ADTRP: variants seen among roughly 807,000 people sequenced by gnomAD.
ADTRP encodes androgen dependent TFPI regulating protein, also known as androgen-dependent TFPI-regulating protein.
ADTRP carries 20 observed loss-of-function variants against 27.0 expected under a neutral mutation model. The ratio of observed to expected loss-of-function variants is 0.74; its 90% confidence interval spans 0.52 to 1.08. ADTRP has a LOEUF of 1.08. Among genes scored for constraint, ADTRP ranks in the 50% least tolerant of loss-of-function variants. ADTRP has a pLI of 0.00. For synonymous variants in ADTRP, 101 were observed against 105.2 expected (o/e 0.96, Z 0.25); for missense variants, 251 against 275.0 (o/e 0.91, Z 0.62).
intron 3 of ADTRP, among the ~76,000 whole-genome samples, chr6:11,749,265 TG>T (rs1250397701): frequency 6.6e-6 from 1 of 152,186 alleles, no homozygotes; most frequent in Non-Finnish European, 1.5e-5. Context: ...GAGATGGAGA[TG>T]CTCAGAACAG....
chr6:11,771,464 T>C (rs998258690), intron 1 of ADTRP, among the ~76,000 whole-genome samples: 1 of 152,140 alleles, frequency 6.6e-6, no homozygotes, highest in Non-Finnish European at 1.5e-5. Flanking sequence ...CGAGAGAGCC[T>C]CTCCCAGGCT....
chr6:11,759,643 T>C (rs1763336121), intron 3 of ADTRP, among the ~76,000 whole-genome samples: 1 of 152,340 alleles, frequency 6.6e-6, no homozygotes, highest in South Asian at 2.1e-4. Flanking sequence ...TGTTATCTTA[T>C]AGCATAGGAG....
intron 3 of ADTRP, chr6:11,736,326 C>T (rs1762551592): frequency 6.5e-6 from 1 of 153,152 alleles, no homozygotes; most frequent in Admixed American, 6.5e-5. Context: ...TAGTCATGCA[C>T]ATCCATGCAC....
At chr6:11,723,569 T>G in intron 4 of ADTRP, 69 bp from the exon 5 acceptor site, 3 of 1,570,130 alleles carry the variant, frequency 1.9e-6, no homozygotes, top group Non-Finnish European at 2.6e-6. Context: ...TCATCAGGAT[T>G]AATGAGGTAC....
chr6:11,746,428 G>C (rs1171327797), intron 3 of ADTRP, among the ~76,000 whole-genome samples: 1 of 152,128 alleles, frequency 6.6e-6, no homozygotes, highest in African/African-American at 2.4e-5. Context: ...GTGGTGGGGG[G>C]TAGGCTGGCC....
At chr6:11,764,735 T>C (rs1054519353) in intron 3 of ADTRP, among the ~76,000 whole-genome samples, 1 of 152,072 alleles carries the variant, frequency 6.6e-6, no homozygotes, top group Non-Finnish European at 1.5e-5. Context: ...ATGAGTTCAG[T>C]GGCCTCAGGC....
At chr6:11,718,645 G>A (rs1464570444) in intron 5 of ADTRP, among the ~76,000 whole-genome samples, 1 of 152,226 alleles carries the variant, frequency 6.6e-6, no homozygotes, top group Non-Finnish European at 1.5e-5. Flanking sequence ...ATGGTTTGAA[G>A]TTAACATTCC....
At chr6:11,737,922 C>T (rs181436955) in intron 3 of ADTRP, among the ~76,000 whole-genome samples, 77 of 152,294 alleles carry the variant, frequency 5.1e-4, no homozygotes, top group African/African-American at 4.1e-4. Flanking sequence ...TGTGTCTCTC[C>T]GTCTAATAAA....
intron 4 of ADTRP, among the ~76,000 whole-genome samples, chr6:11,724,236 C>CT (rs34615297): frequency 0.068 from 10,369 of 152,130 alleles, 428 homozygotes; most frequent in Middle Eastern, 0.13. Context: ...GTGGGGTTTG[C>CT]TTTTTTGGAT....
chr6:11,755,141 C>T (rs1265824984), intron 3 of ADTRP: 1 of 861,186 alleles, frequency 1.2e-6, no homozygotes, highest in Non-Finnish European at 1.4e-6. Flanking sequence ...GACTCACCAG[C>T]AAGCCCTCAA....
intron 3 of ADTRP, among the ~76,000 whole-genome samples, chr6:11,756,858 C>G (rs962740285): frequency 1.3e-5 from 2 of 152,154 alleles, no homozygotes; most frequent in Non-Finnish European, 2.9e-5. Flanking sequence ...GTTTCCTCTT[C>G]TGCAAGGTGA....
chr6:11,735,834 T>C, intron 3 of ADTRP, 151 bp from the exon 4 acceptor site: 1 of 616,230 alleles, frequency 1.6e-6, no homozygotes, highest in East Asian at 2.8e-5. Context: ...GGACCTACCG[T>C]GGCTCCCTCT....
In ADTRP at chr6:11,765,319, G is replaced by GTTTTTTTTTTTTTTTTTTTTTTTTTT. The variant is rs770169717; in HGVS notation, c.390+954_390+955insAAAAAAAAAAAAAAAAAAAAAAAAAA. Among the ~76,000 whole-genome samples, 2 of 112,524 alleles carry GTTTTTTTTTTTTTTTTTTTTTTTTTT rather than the reference G, an allele frequency of 1.8e-5. 1 individual carries two copies. The allele number at this position is 112,524 out of a possible 152,430, so 73.8% of individuals were successfully genotyped here. ...GCCACTTCCTTGTGCCTTTCCCCTG[G>GTTTTTTTTTTTTTTTTTTTTTTTTTT]TTTGTTTTTTTTTTTTTTTTTTTTT... On this transcript the variant is annotated intron_variant, in intron 3 of 5. Coordinates refer to ENST00000414691, the MANE Select transcript of ADTRP (RefSeq NM_032744.4).
intron 3 of ADTRP, among the ~76,000 whole-genome samples, chr6:11,760,263 C>G (rs1212487473): frequency 6.6e-6 from 1 of 152,202 alleles, no homozygotes; most frequent in Admixed American, 6.5e-5. Context: ...CCCACACACT[C>G]TCAAAACTGC....
chr6:11,735,573 G>C lies in ADTRP; in HGVS notation c.501C>G (p.Ile167Met). 3.1e-6 allele frequency: 5 copies of C among 1,611,176 alleles called. No homozygotes were observed. The highest frequency in any genetic ancestry group is 4.2e-6 in the Non-Finnish European group (5 of 1,177,484). Residue 167 changes from isoleucine to methionine, a missense_variant, in exon 4 of 6, where the codon ATC (isoleucine) becomes ATG (methionine). Ile to Met is a conservative substitution (Grantham distance 10). Transcript: ENST00000414691. ...TTTCTCCATGTAATTCTTACCGGCT[G>C]ATGTAAGCAATGCTGGCAGCAGCCA... ...TLLAAASIAY[I>M]SRILWLYFET...
At position 11,758,031 on chromosome 6, in the gene ADTRP, C is replaced by T. The variant is rs140574071; in HGVS notation, c.390+8243G>A. Among the ~76,000 whole-genome samples the T allele has an allele frequency of 3.6e-3, 555 of 152,292 alleles. 2 individuals carry two copies. The highest frequency in any genetic ancestry group is 4.1e-3 in the Non-Finnish European group (279 of 68,022). ...CGGCTCAATATTCCTCATACTTGGA[C>T]ATCACTTGCTGTCTTTTCTATCCAA... is the stretch of plus-strand genomic sequence containing the variant. On this transcript the variant is annotated intron_variant, in intron 3 of 5. Coordinates refer to ENST00000414691, the MANE Select transcript of ADTRP (RefSeq NM_032744.4).
At chr6:11,744,894 G>A (rs1235744795) in intron 3 of ADTRP, among the ~76,000 whole-genome samples, 2 of 152,130 alleles carry the variant, frequency 1.3e-5, no homozygotes, top group African/African-American at 4.8e-5. Flanking sequence ...GTCAAGTAAG[G>A]GCTCAGAGTG....
chr6:11,727,913 AGAAGGAAG>A (rs60955508), intron 4 of ADTRP, among the ~76,000 whole-genome samples: 544 of 134,932 alleles, frequency 4.0e-3, no homozygotes, highest in Non-Finnish European at 6.1e-3. Context: ...AGGGGAAAGA[AGAAGGAAG>A]GAAGGAAGGA....
chr6:11,738,101 T>C (rs1214237403), intron 3 of ADTRP, among the ~76,000 whole-genome samples: 1 of 152,192 alleles, frequency 6.6e-6, no homozygotes, highest in Non-Finnish European at 1.5e-5. Flanking sequence ...GCTTAGTCTT[T>C]GGCCCTGGAG....
Sources: gnomAD v4.1 joint callset for allele counts (sites outside exome capture counted in the v4.1 genomes callset) on GRCh38, gnomAD v4.1.1 for gene constraint, MANE v1.5 for transcripts, NCBI Gene and HGNC (gene_info 2026-07-23, HGNC 2026-07-21) for gene names.